VCF2: variants seen among roughly 807,000 people sequenced by gnomAD.
VCF2 encodes the protein VCP nuclear cofactor family member 2.
the VCF2 span, among the ~76,000 whole-genome samples, chrX:55,144,821 A>C: frequency 8.9e-6 from 1 of 112,596 alleles, no homozygotes; most frequent in Non-Finnish European, 1.9e-5. Context: ...GGAAAAGATA[A>C]TGTGACCAGG....
the VCF2 span, among the ~76,000 whole-genome samples, chrX:55,159,623 G>T: frequency 8.9e-6 from 1 of 112,026 alleles, no homozygotes; most frequent in African/African-American, 3.2e-5. Context: ...TAAGACATGT[G>T]TGTCTGCCAG....
the VCF2 span, among the ~76,000 whole-genome samples, chrX:55,149,339 G>C: frequency 1.8e-5 from 2 of 110,962 alleles, no homozygotes; most frequent in East Asian, 5.6e-4. Flanking sequence ...TAACTTTCTT[G>C]CTTTTAAAGT....
the VCF2 span, among the ~76,000 whole-genome samples, chrX:55,152,759 T>C: frequency 8.9e-6 from 1 of 111,891 alleles, no homozygotes; most frequent in Non-Finnish European, 1.9e-5. Flanking sequence ...TTTCTCACAA[T>C]TTGCCCACAA....
chrX:55,143,252 T>C, the VCF2 span: 1 of 111,872 alleles, frequency 8.9e-6, no homozygotes, highest in Admixed American at 9.5e-5. Flanking sequence ...TGGGAAGATG[T>C]TACCAGAGGG....
chrX:55,157,848 T>G, the VCF2 span, among the ~76,000 whole-genome samples: 1 of 112,156 alleles, frequency 8.9e-6, no homozygotes, highest in Non-Finnish European at 1.9e-5. Flanking sequence ...TACTACTCAG[T>G]AATCTGAAAG....
At chrX:55,152,415 T>C in the VCF2 span, among the ~76,000 whole-genome samples, 5 of 111,893 alleles carry the variant, frequency 4.5e-5, no homozygotes, top group African/African-American at 1.6e-4. Flanking sequence ...TCATAGAACA[T>C]GATACTTCAC....
At chrX:55,144,007 A>G in the VCF2 span, 2 of 327,434 alleles carry the variant, frequency 6.1e-6, no homozygotes, top group African/African-American at 5.3e-5. Flanking sequence ...CTGAAAAGCC[A>G]ACACTTTTTC....
chrX:55,157,733 A>C, the VCF2 span, among the ~76,000 whole-genome samples: 1 of 111,808 alleles, frequency 8.9e-6, no homozygotes, highest in African/African-American at 3.3e-5. Flanking sequence ...TAGGGCACAA[A>C]ATCTTTTCCT....
the VCF2 span, among the ~76,000 whole-genome samples, chrX:55,151,890 T>A: frequency 1.0e-3 from 1 of 956 alleles, no homozygotes; most frequent in Non-Finnish European, 4.3e-3. Context: ...TGTGCTTTCT[T>A]TTTTTTTTTT....
At chrX:55,151,993 GC>G in the VCF2 span, among the ~76,000 whole-genome samples, 1 of 98,225 alleles carries the variant, frequency 1.0e-5, no homozygotes, top group Non-Finnish European at 2.0e-5. Context: ...CCGGGTTCAC[GC>G]CATTCTCCTG....
the VCF2 span, among the ~76,000 whole-genome samples, chrX:55,158,704 CTT>C: frequency 9.0e-6 from 1 of 110,796 alleles, no homozygotes; most frequent in African/African-American, 3.3e-5. Context: ...ACTTCAAACT[CTT>C]TTTCCAGCAC....
At chrX:55,152,155 T>C in the VCF2 span, among the ~76,000 whole-genome samples, 1 of 111,052 alleles carries the variant, frequency 9.0e-6, no homozygotes, top group African/African-American at 3.3e-5. Flanking sequence ...CCTCCCAAAG[T>C]GCTGGGATTA....
the VCF2 span, chrX:55,160,749 G>C: frequency 1.0e-6 from 1 of 973,924 alleles, no homozygotes; most frequent in Non-Finnish European, 1.4e-6. Context: ...GTACCTAGCA[G>C]CCTCACCGAG....
At chrX:55,160,433 C>G in the VCF2 span, among the ~76,000 whole-genome samples, 1 of 112,673 alleles carries the variant, frequency 8.9e-6, no homozygotes. Context: ...AAGTGTGAAG[C>G]TGAGTTTAAA....
the VCF2 span, among the ~76,000 whole-genome samples, chrX:55,154,042 G>C: frequency 3.4e-4 from 38 of 112,389 alleles, 1 homozygote; most frequent in African/African-American, 1.2e-3. Context: ...ATGATTAAGA[G>C]GAAAATTTGC....
chrX:55,146,400 A>C, the VCF2 span: 1 of 809,224 alleles, frequency 1.2e-6, no homozygotes, highest in Admixed American at 2.3e-5. Context: ...ATAAAACTCT[A>C]TAATGGGCTT....
At chrX:55,153,649 C>G in the VCF2 span, among the ~76,000 whole-genome samples, 2 of 110,716 alleles carry the variant, frequency 1.8e-5, no homozygotes, top group African/African-American at 6.6e-5. Context: ...GCATGAGCCA[C>G]CGCGCCCGTC....
chrX:55,160,670 T>C, the VCF2 span: 7,648 of 502,893 alleles, frequency 0.015, 61 homozygotes, highest in Non-Finnish European at 0.021. Flanking sequence ...TAAAGGTCCA[T>C]AGAACCCCAG....
At chrX:55,159,373 A>G in the VCF2 span, 12 of 397,514 alleles carry the variant, frequency 3.0e-5, no homozygotes, top group East Asian at 4.2e-4. Flanking sequence ...TAAAAGTCAT[A>G]TAAGTACTCC....
Sources: gnomAD v4.1 joint callset for allele counts (sites outside exome capture counted in the v4.1 genomes callset) on GRCh38, gnomAD v4.1.1 for gene constraint, MANE v1.5 for transcripts, NCBI Gene and HGNC (gene_info 2026-07-23, HGNC 2026-07-21) for gene names.